RAD51AP2: variants seen among roughly 807,000 people sequenced by gnomAD.
The protein encoded by RAD51AP2 is RAD51 associated protein 2, also known as RAD51-associated protein 2.
RAD51AP2 carries 67 observed loss-of-function variants against 85.5 expected under a neutral mutation model. The ratio of observed to expected loss-of-function variants is 0.78; its 90% confidence interval spans 0.64 to 0.96. The LOEUF (loss-of-function observed/expected upper bound fraction) is 0.96, where lower values mean the gene tolerates loss of function less well. RAD51AP2 is among the 40% of genes least tolerant of loss of function. RAD51AP2 has a pLI of 0.00. For synonymous variants in RAD51AP2, 474 were observed against 446.5 expected, an observed-to-expected ratio of 1.06 and a Z score of -0.78; for missense variants, 1,307 against 1,332.4, an observed-to-expected ratio of 0.98 and a Z score of 0.30.
chr2:17,519,356 T>A (rs1662804722), upstream of RAD51AP2, among the ~76,000 whole-genome samples: 1 of 152,006 alleles, frequency 6.6e-6, no homozygotes, highest in East Asian at 1.9e-4. Flanking sequence ...AAAATGTTTT[T>A]CAAAATGTTT....
Position 17,518,419 on chromosome 2 carries a change from A to T in RAD51AP2, c.-4T>A. Reference sequence around the variant, plus strand: ...GCGTGGGCTGAGGGAGAGACATGACAGCGAATGGAAAGGATCTGTCCGAGT... The same window carrying T: ...GCGTGGGCTGAGGGAGAGACATGACTGCGAATGGAAAGGATCTGTCCGAGT... On this transcript the variant is annotated 5_prime_UTR_variant, in exon 1 of 3. Transcript: ENST00000399080. 6.2e-7 allele frequency: 1 copy of T among 1,608,960 alleles called. No homozygotes were observed. The highest frequency in any genetic ancestry group is 8.5e-7 in the Non-Finnish European group (1 of 1,178,478).
rs767724258 is a variant in RAD51AP2, at chr2:17,515,820, G to GA, written c.2595dup (p.Pro866SerfsTer4). On this transcript the variant is annotated frameshift_variant, in exon 1 of 3. Transcript: ENST00000399080. LOFTEE classifies it high-confidence loss of function. ...TGTACAGAAAACATGTCATCCATTG[G>GA]AAAAAAACTATCTTTCTCTTCCTTT... is the stretch of plus-strand genomic sequence containing the variant. The GA allele has an allele frequency of 6.2e-6, 10 of 1,606,370 alleles. No individual in the cohort carries two copies. In the Admixed American group the frequency reaches 1.0e-4, roughly 16 times the overall value.
At chr2:17,529,916 G>A in the RAD51AP2 span, among the ~76,000 whole-genome samples, 1 of 152,106 alleles carries the variant, frequency 6.6e-6, no homozygotes, top group Admixed American at 6.5e-5. Context: ...ACAGGTTGGG[G>A]GATCACTTTT....
chr2:17,536,252 C>G, the RAD51AP2 span, among the ~76,000 whole-genome samples: 1 of 152,128 alleles, frequency 6.6e-6, no homozygotes, highest in South Asian at 2.1e-4. Context: ...TTCCAACTAC[C>G]GAGGTCCCCC....
intron 2 of RAD51AP2, among the ~76,000 whole-genome samples, chr2:17,513,178 T>C (rs1214765445): frequency 1.3e-5 from 2 of 151,966 alleles, no homozygotes; most frequent in Non-Finnish European, 2.9e-5. Context: ...TTTATTCTGA[T>C]ATTGTAGATC....
chr2:17,535,803 G>C, the RAD51AP2 span, among the ~76,000 whole-genome samples: 84 of 152,122 alleles, frequency 5.5e-4, 3 homozygotes, highest in African/African-American at 1.8e-3. Context: ...TCTATAGGTA[G>C]TTTTAAAAGG....
At position 17,517,469 on chromosome 2, in the gene RAD51AP2, G is replaced by GT. The variant is rs760866110; in HGVS notation, c.946dup (p.Thr316AsnfsTer13). On this transcript the variant is annotated frameshift_variant, in exon 1 of 3. Coordinates refer to ENST00000399080, the MANE Select transcript of RAD51AP2 (RefSeq NM_001099218.3). LOFTEE classifies it high-confidence loss of function. ...GGAAAAAATGTTTTCCGCTTCTACAGTTTTTTTATCATTCTGTAACTTTTG... is the reference window on the plus strand; with the variant it reads ...GGAAAAAATGTTTTCCGCTTCTACAGTTTTTTTTATCATTCTGTAACTTTTG... The GT allele has an allele frequency of 6.8e-5, 109 of 1,613,860 alleles. 2 individuals carry two copies. Among genetic ancestry groups the GT allele is most frequent in the South Asian group, 3.0e-4 (27 of 91,078 alleles).
intron 2 of RAD51AP2, among the ~76,000 whole-genome samples, chr2:17,513,439 G>A (rs142789279): frequency 1.6e-3 from 245 of 151,946 alleles, no homozygotes; most frequent in East Asian, 1.2e-3. Flanking sequence ...GGTTTTCACC[G>A]TGTTAGCCAG....
chr2:17,533,163 C>G, the RAD51AP2 span, among the ~76,000 whole-genome samples: 1 of 152,178 alleles, frequency 6.6e-6, no homozygotes. Context: ...ATTACCTGTA[C>G]ATGAATAACC....
the RAD51AP2 span, among the ~76,000 whole-genome samples, chr2:17,535,507 ATGAG>A: frequency 8.7e-4 from 132 of 152,326 alleles, no homozygotes; most frequent in Non-Finnish European, 1.7e-3. Flanking sequence ...GAGTGAGATG[ATGAG>A]AGGCTGAACT....
chr2:17,533,104 C>T, the RAD51AP2 span, among the ~76,000 whole-genome samples: 7 of 152,192 alleles, frequency 4.6e-5, no homozygotes, highest in Non-Finnish European at 1.0e-4. Flanking sequence ...CTTGTCTCTT[C>T]TCTTTATACT....
Position 17,515,538 on chromosome 2 carries a change from T to C in RAD51AP2, c.2878A>G (p.Lys960Glu). The change falls in exon 1 of 3, where the codon AAA (lysine) becomes GAA (glutamate). Residue 960 changes from lysine (K) to glutamate (E), a missense_variant. By Grantham distance (56) the Lys-to-Glu change is moderately conservative. Transcript: ENST00000399080. ...YLSTEALTIV[K>E]DFEMKRKFDL... ...AATTTTCTCTTCATCTCAAAATCTT[T>C]TACTATTGTCAGAGCTTCTGTTGAT... 1.9e-6 allele frequency: 3 copies of C among 1,609,156 alleles called. No homozygotes were observed. Among genetic ancestry groups the C allele is most frequent in the African/African-American group, 1.3e-5 (1 of 74,620 alleles).
chr2:17,516,531 G>T lies in RAD51AP2; in HGVS notation c.1885C>A (p.Leu629Ile), dbSNP rs1660911591. 1 of 1,553,134 alleles carries T rather than the reference G, an allele frequency of 6.4e-7. No homozygotes were observed. Among genetic ancestry groups the T allele is most frequent in the Non-Finnish European group, 8.8e-7 (1 of 1,135,466 alleles). ...CTTGAAGAAGTTAAAATCTTTACTAGATATGCAGTATGATTTTCCACTATA... is the reference window on the plus strand; with the variant it reads ...CTTGAAGAAGTTAAAATCTTTACTATATATGCAGTATGATTTTCCACTATA... ...KNIVENHTAYLVKILTSSRLL... is the reference protein window; with the variant it reads ...KNIVENHTAYIVKILTSSRLL... Residue 629 changes from leucine to isoleucine, a missense_variant, in exon 1 of 3, where the codon CTA becomes ATA. This residue lies in a region of RAD51AP2 where 668 missense variants were observed against 671.0 expected (regional missense o/e 1.00). Transcript: ENST00000399080.
In RAD51AP2 at chr2:17,516,109, C is replaced by T. The variant is rs1662654789; in HGVS notation, c.2307G>A (p.Gln769=). The change falls in exon 1 of 3, where the codon CAG becomes CAA. Residue 769 remains glutamine, a synonymous_variant. Transcript: ENST00000399080. The stretch of plus-strand genomic sequence containing the variant: ...CAAAGTTACTGATCTTATTATGTCC[C>T]TGTTTTCTTTCCATATTTAAATCTT... ...HSQDLNMERK[Q]GHNKISNFDC... 3.1e-6 allele frequency: 5 copies of T among 1,612,298 alleles called. No individual in the cohort carries two copies. Among genetic ancestry groups the T allele is most frequent in the Non-Finnish European group, 4.2e-6 (5 of 1,179,478 alleles).
In RAD51AP2 at chr2:17,517,222, G is replaced by A. The variant is rs768229345; in HGVS notation, c.1194C>T (p.Asn398=). 15 of 1,613,292 alleles carry A rather than the reference G, an allele frequency of 9.3e-6. No individual in the cohort carries two copies. The highest frequency in any genetic ancestry group is 3.3e-4 in the Middle Eastern group (2 of 6,080). Residue 398 remains asparagine (N), a synonymous_variant, in exon 1 of 3, where the codon AAC becomes AAT. Coordinates refer to ENST00000399080, the MANE Select transcript of RAD51AP2 (RefSeq NM_001099218.3). The part of the protein sequence containing the change: ...RLEKSQNWDC[N]VRHILRRNRG... The stretch of plus-strand genomic sequence containing the variant: ...TATTTCTTCTCAAAATATGTCTAAC[G>A]TTACAGTCCCAGTTTTGAGATTTTT...
rs775298255 is a variant in RAD51AP2, at chr2:17,514,062, G to A, written c.3278C>T (p.Ala1093Val). 1.9e-6 allele frequency: 3 copies of A among 1,588,874 alleles called. No individual in the cohort carries two copies. In the Admixed American group the frequency reaches 5.0e-5, roughly 27 times the overall value. Residue 1093 changes from alanine to valine, a missense_variant, in exon 2 of 3, where the codon GCT (alanine) becomes GTT (valine). Coordinates refer to ENST00000399080, the MANE Select transcript of RAD51AP2 (RefSeq NM_001099218.3). ...TTCTTTACATTCATCAGGGAGAAAA[G>A]CAGGTCTTTTAGGTAAAGGTGTTTC... ...DCETPLPKRP[A>V]FLPDECKEEF...
At chr2:17,520,885 C>A (rs1321093544), upstream of RAD51AP2, among the ~76,000 whole-genome samples, 1 of 151,932 alleles carries the variant, frequency 6.6e-6, no homozygotes, top group African/African-American at 2.4e-5. Flanking sequence ...CTTAAATGGC[C>A]CTACTCAAAA....
intron 2 of RAD51AP2, among the ~76,000 whole-genome samples, chr2:17,512,449 C>T (rs1662519203): frequency 1.3e-5 from 2 of 152,158 alleles, no homozygotes; most frequent in South Asian, 2.1e-4. Flanking sequence ...ATAATTCTGG[C>T]TGAATTCATA....
In RAD51AP2 at chr2:17,514,036, C is replaced by A. The variant is rs1466391513; in HGVS notation, c.3304G>T (p.Glu1102Ter). Residue 1102 changes from glutamate (E) to a stop codon, truncating the protein, a stop_gained, in exon 2 of 3, where the codon GAA becomes TAA. Transcript: ENST00000399080. LOFTEE classifies it high-confidence loss of function. ...CCTCCTCTCAATAAATAATTAAATTCTTCTTTACATTCATCAGGGAGAAAA... is the reference window on the plus strand; with the variant it reads ...CCTCCTCTCAATAAATAATTAAATTATTCTTTACATTCATCAGGGAGAAAA... ...PAFLPDECKEEFNYLLRGGSH... is the reference protein window; with the variant it reads ...PAFLPDECKE 1 of 1,574,542 alleles carries A rather than the reference C, an allele frequency of 6.4e-7. No homozygotes were observed. Among genetic ancestry groups the A allele is most frequent in the East Asian group, 2.2e-5 (1 of 44,490 alleles).
Sources: gnomAD v4.1 joint callset for allele counts (sites outside exome capture counted in the v4.1 genomes callset) on GRCh38, gnomAD v4.1.1 for gene constraint, gnomAD v4.1.1 regional missense constraint, MANE v1.5 for transcripts, NCBI Gene and HGNC (gene_info 2026-07-23, HGNC 2026-07-21) for gene names.